Variants in SLC38A1 observed in about 807,000 individuals in gnomAD.
The protein encoded by SLC38A1 is solute carrier family 38 member 1, also known as sodium-coupled neutral amino acid symporter 1.
In SLC38A1, 18 loss-of-function variants were observed where a neutral mutation model predicts 60.3. The ratio of observed to expected loss-of-function variants is 0.30; its 90% CI spans 0.21 to 0.44. The LOEUF (loss-of-function observed/expected upper bound fraction) is 0.44, where lower values mean the gene tolerates loss of function less well. Among genes scored for constraint, SLC38A1 ranks in the 20% least tolerant of loss-of-function variants. The pLI, the probability that SLC38A1 is intolerant of heterozygous loss-of-function variation, is 1.00. For synonymous variants in SLC38A1, 196 were observed against 212.1 expected, an observed-to-expected ratio of 0.92 and a Z score of 0.66; for missense variants, 448 against 587.2, an observed-to-expected ratio of 0.76 and a Z score of 2.45.
intron 3 of SLC38A1, among the ~76,000 whole-genome samples, chr12:46,233,444 A>G (rs971384766): frequency 8.5e-5 from 13 of 152,194 alleles, no homozygotes; most frequent in African/African-American, 2.9e-4. Context: ...AATTAATAGA[A>G]AAGCAAATAT....
At chr12:46,229,679 G>T in intron 3 of SLC38A1, 40 bp from the exon 4 acceptor site, 1 of 1,522,034 alleles carries the variant, frequency 6.6e-7, no homozygotes, top group Non-Finnish European at 9.1e-7. Flanking sequence ...TTATGATAAT[G>T]ATTTGAAGCT....
intron 3 of SLC38A1, among the ~76,000 whole-genome samples, chr12:46,230,985 A>T (rs1001338196): frequency 9.2e-5 from 14 of 152,212 alleles, no homozygotes; most frequent in Non-Finnish European, 1.5e-5. Flanking sequence ...ATATCAAAAA[A>T]ATACCTGCAT....
In SLC38A1 at chr12:46,209,047, A is replaced by G; in HGVS notation, c.388+7T>C. 6.3e-7 allele frequency: 1 copy of G among 1,599,582 alleles called. No individual in the cohort carries two copies. Among genetic ancestry groups the G allele is most frequent in the Non-Finnish European group, 8.5e-7 (1 of 1,169,884 alleles). ...TTTTAACAAAATCAAACACGTCCTC[A>G]GCTTACCTGTTTCTTTTGAACAGAT... On this transcript the variant is annotated splice_region_variant and intron_variant, in intron 6 of 16. Transcript: ENST00000398637.
chr12:46,189,083 G>T lies in SLC38A1; in HGVS notation c.1363-12C>A. ...AAGAAAAGGGCAGCCTGGAGCAAGA[G>T]AAAGGCAAGGGTTATTTTCAGTGCA... On this transcript the variant is annotated splice_polypyrimidine_tract_variant and intron_variant, in intron 16 of 16. Coordinates refer to ENST00000398637, the MANE Select transcript of SLC38A1 (RefSeq NM_030674.4). 6.2e-7 allele frequency: 1 copy of T among 1,611,304 alleles called. No homozygotes were observed. The highest frequency in any genetic ancestry group is 8.5e-7 in the Non-Finnish European group (1 of 1,177,974).
Position 46,188,992 on chromosome 12 carries a change from G to A in SLC38A1, c.1442C>T (p.Ser481Leu), listed in dbSNP as rs773969671. The change falls in exon 17 of 17, where the codon TCG (serine) becomes TTG (leucine). Residue 481 changes from serine (S) to leucine (L), a missense_variant. Ser to Leu is a moderately radical substitution (Grantham distance 145, BLOSUM62 -2). Around this residue, in one of 2 missense-constraint regions of SLC38A1, gnomAD observed 346 missense variants for 497.5 expected, o/e 0.70. Transcript: ENST00000398637. ...PLVIYDWACS[S>L]SSDEGH ...GTTTCAGTGGCCTTCGTCACTACTC[G>A]ATGAGCAGGCCCAGTCATAGATGAC... 1.0e-4 allele frequency: 169 copies of A among 1,613,304 alleles called. No individual in the cohort carries two copies. Among genetic ancestry groups the A allele is most frequent in the Non-Finnish European group, 1.4e-4 (164 of 1,179,778 alleles).
At chr12:46,201,046 T>C in intron 13 of SLC38A1, 52 bp downstream of exon 13, 1 of 1,278,478 alleles carries the variant, frequency 7.8e-7, no homozygotes, top group Non-Finnish European at 1.1e-6. Context: ...CACTAATTTT[T>C]ACTAATTTGT....
chr12:46,219,245 C>T (rs906981604), intron 5 of SLC38A1, among the ~76,000 whole-genome samples: 9 of 152,182 alleles, frequency 5.9e-5, no homozygotes, highest in African/African-American at 2.2e-4. Context: ...GGGTTAGAAG[C>T]AAGATAGAGT....
intron 1 of SLC38A1, among the ~76,000 whole-genome samples, chr12:46,248,395 G>A (rs1357783129): frequency 6.6e-6 from 1 of 152,154 alleles, no homozygotes; most frequent in Non-Finnish European, 1.5e-5. Context: ...CCTAGTCTCT[G>A]ATAAAACAGA....
At chr12:46,227,704 G>A (rs1940919411) in intron 5 of SLC38A1, among the ~76,000 whole-genome samples, 1 of 152,122 alleles carries the variant, frequency 6.6e-6, no homozygotes, top group Non-Finnish European at 1.5e-5. Context: ...TCCCAGCTTT[G>A]GAATGACTGA....
rs1939308972 is a variant in SLC38A1 at position 46,195,118 on chromosome 12, T to G, written c.1362+2602A>C. ...ATGTTGGTGACCTATAGATGGGGAT[T>G]TGGTGTGGATGTCCTTTTTGTTGAT... On this transcript the variant is annotated intron_variant, in intron 16 of 16. Coordinates refer to ENST00000398637, the MANE Select transcript of SLC38A1 (RefSeq NM_030674.4). Among the ~76,000 whole-genome samples the G allele has an allele frequency of 2.0e-5, 3 of 152,294 alleles. No homozygotes were observed. In the South Asian group the frequency reaches 6.2e-4, roughly 32 times the overall value.
Position 46,229,256 on chromosome 12 carries a change from T to C in SLC38A1, c.211A>G (p.Thr71Ala). The C allele has an allele frequency of 6.2e-7, 1 of 1,609,774 alleles. No individual in the cohort carries two copies. Among genetic ancestry groups the C allele is most frequent in the Non-Finnish European group, 8.5e-7 (1 of 1,176,732 alleles). ...TTAAAAACAGACATGCCTAAGGAGG[T>C]TGTACCTGGAATCTGAACAAAGAAA... ...KKCDEYIPGT[T>A]SLGMSVFNLS... Residue 71 changes from threonine to alanine, a missense_variant, in exon 5 of 17, where the codon ACC becomes GCC. Physicochemically the swap from Thr to Ala is moderately conservative, Grantham distance 58 (BLOSUM62 0). Coordinates refer to ENST00000398637, the MANE Select transcript of SLC38A1 (RefSeq NM_030674.4).
rs757358949 is a variant in SLC38A1, at chr12:46,184,968, T to G, written c.*4002A>C. On this transcript the variant is annotated 3_prime_UTR_variant, in exon 17 of 17. Transcript: ENST00000398637. ...GGGATAACCAGGTGGCAGCGCTGGA[T>G]TCACTCACTTTCTTGCCATTGCAGA... The G allele has an allele frequency of 6.6e-6, 1 of 152,134 alleles. No individual in the cohort carries two copies. The highest frequency in any genetic ancestry group is 1.5e-5 in the Non-Finnish European group (1 of 68,024). 9.4% of individuals were successfully genotyped at this position (152,134 alleles called of 1,614,324 possible).
At chr12:46,229,891 A>G (rs1327642785) in intron 3 of SLC38A1, among the ~76,000 whole-genome samples, 4 of 152,180 alleles carry the variant, frequency 2.6e-5, no homozygotes, top group Admixed American at 2.6e-4. Context: ...ATTCATTTTT[A>G]TATCCTGCAC....
At chr12:46,241,666 G>A (rs1021733400) in intron 2 of SLC38A1, among the ~76,000 whole-genome samples, 1 of 152,140 alleles carries the variant, frequency 6.6e-6, no homozygotes, top group Non-Finnish European at 1.5e-5. Flanking sequence ...TCATGCAGTG[G>A]TGATGTTTTA....
chr12:46,189,973 A>C (rs1014672453), intron 16 of SLC38A1, among the ~76,000 whole-genome samples: 2 of 152,032 alleles, frequency 1.3e-5, no homozygotes, highest in Non-Finnish European at 2.9e-5. Flanking sequence ...GTTCTAGGGT[A>C]CATGTGCACA....
intron 16 of SLC38A1, among the ~76,000 whole-genome samples, chr12:46,193,131 G>C (rs1183528011): frequency 2.0e-5 from 3 of 152,170 alleles, no homozygotes; most frequent in African/African-American, 7.2e-5. Context: ...GGTACATTGC[G>C]TCTTGGTTCT....
intron 16 of SLC38A1, among the ~76,000 whole-genome samples, chr12:46,197,207 G>C (rs561595868): frequency 5.3e-5 from 8 of 152,196 alleles, no homozygotes; most frequent in Non-Finnish European, 1.2e-4. Context: ...TAAAACCAGA[G>C]GGCCGGGCGC....
chr12:46,207,318 T>G (rs1939953588), intron 7 of SLC38A1, 82 bp from the exon 8 acceptor site: 1 of 1,260,982 alleles, frequency 7.9e-7, no homozygotes, highest in Non-Finnish European at 1.1e-6. Flanking sequence ...CAGCCCGTTC[T>G]TAGACCAACT....
At position 46,204,534 on chromosome 12, in the gene SLC38A1, C is replaced by G; in HGVS notation, c.703G>C (p.Val235Leu). 6.2e-7 allele frequency: 1 copy of G among 1,612,046 alleles called. No individual in the cohort carries two copies. Among genetic ancestry groups the G allele is most frequent in the African/African-American group, 1.3e-5 (1 of 74,818 alleles). ...SLSCMVFFLI[V>L]VIYKKFQIPC... The stretch of plus-strand genomic sequence containing the variant: ...CAACCATTGCAATCAGCACTTACCA[C>G]AATTAGGAAAAAAACCATACAGCTC... Residue 235 changes from valine (V) to leucine (L), a missense_variant and splice_region_variant, in exon 10 of 17, where the codon GTG becomes CTG. By Grantham distance (32) the Val-to-Leu change is conservative. This residue lies in a region of SLC38A1 where 346 missense variants were observed against 497.5 expected (regional missense o/e 0.70). Transcript: ENST00000398637.
Sources: gnomAD v4.1 joint callset for allele counts (sites outside exome capture counted in the v4.1 genomes callset) on GRCh38, gnomAD v4.1.1 for gene constraint, gnomAD v4.1.1 regional missense constraint, MANE v1.5 for transcripts, NCBI Gene and HGNC (gene_info 2026-07-23, HGNC 2026-07-21) for gene names.